The following DMTF1 variants were observed in gnomAD, a reference collection of about 807,000 sequenced individuals.
The protein encoded by DMTF1 is cyclin-D-binding Myb-like transcription factor 1.
A neutral mutation model predicts 91.1 loss-of-function variants in DMTF1; 39 were observed. The ratio of observed to expected loss-of-function variants is 0.43; its 90% CI spans 0.33 to 0.56. The LOEUF is 0.56. DMTF1 is among the 20% of genes least tolerant of loss of function. DMTF1 has a pLI of 0.05. For synonymous variants in DMTF1, 338 were observed against 309.5 expected (o/e 1.09, Z -0.97); for missense variants, 750 against 914.5 (o/e 0.82, Z 2.32).
rs556496826 is a variant in DMTF1, at chr7:87,159,026, TTA to T, written c.-131-4467_-131-4466del. Among the ~76,000 whole-genome samples the T allele has an allele frequency of 2.9e-4, 44 of 152,224 alleles. No individual in the cohort carries two copies. The South Asian group carries it at 6.2e-3, about 21-fold the overall frequency. ...TCCCCTGTTCTTTTAAAAAACAAGA[TTA>T]TGAGATACATAATCTAAATAAAAAT... On this transcript the variant is annotated intron_variant, in intron 1 of 17. Coordinates refer to ENST00000331242, the MANE Select transcript of DMTF1 (RefSeq NM_001142327.2).
chr7:87,194,521 ATTGTGAGGTCATCTTTTGTCC>A (rs1474041732), intron 16 of DMTF1, 142 bp from the exon 17 acceptor site: 1 of 564,584 alleles, frequency 1.8e-6, no homozygotes, highest in Non-Finnish European at 3.0e-6. Flanking sequence ...AGTATGTTAG[ATTGTGAGGTCATCTTTTGTCC>A]CTGTGAGACC....
intron 7 of DMTF1, among the ~76,000 whole-genome samples, chr7:87,177,330 A>C (rs1414079948): frequency 6.6e-6 from 1 of 152,054 alleles, no homozygotes; most frequent in Non-Finnish European, 1.5e-5. Context: ...GTACCAATCT[A>C]GTGGGTGTTA....
rs1799622233 is a variant in DMTF1, at chr7:87,190,942, C to T, written c.1412-3C>T. ...ACCACAGCTTACCTTATTCTTACCA[C>T]AGCTTCAGCAGACTCTCCTGCTACC... is the stretch of plus-strand genomic sequence containing the variant. On this transcript the variant is annotated splice_region_variant and splice_polypyrimidine_tract_variant and intron_variant, in intron 13 of 17. Transcript: ENST00000331242. 2 of 1,606,704 alleles carry T rather than the reference C, an allele frequency of 1.2e-6. No individual in the cohort carries two copies. The highest frequency in any genetic ancestry group is 2.7e-5 in the African/African-American group (2 of 74,674).
rs1798002817 is a variant in DMTF1, at chr7:87,184,488, G to A, written c.912G>A (p.Val304=). Residue 304 remains valine, a synonymous_variant, in exon 11 of 18, where the codon GTG becomes GTA. Coordinates refer to ENST00000331242, the MANE Select transcript of DMTF1 (RefSeq NM_001142327.2). The part of the protein sequence containing the change: ...TEPGDIVTQG[V]SWAAVAERVG... ...CAGGTGACATAGTCACACAGGGTGT[G>A]TCTTGGGCAGCTGTGGCTGAACGAG... is the stretch of plus-strand genomic sequence containing the variant. 8.7e-6 allele frequency: 14 copies of A among 1,614,048 alleles called. No homozygotes were observed. In the East Asian group the frequency reaches 3.1e-4, roughly 36 times the overall value.
At chr7:87,181,132 GA>G (rs1454433217) in intron 8 of DMTF1, 176 bp from the exon 9 acceptor site, 1 of 411,226 alleles carries the variant, frequency 2.4e-6, no homozygotes, top group Non-Finnish European at 4.6e-6. Flanking sequence ...TTATAGGCGT[GA>G]GCCGCACCCT....
At position 87,182,321 on chromosome 7, in the gene DMTF1, G is replaced by A. The variant is rs745792204; in HGVS notation, c.804G>A (p.Lys268=). ...SSVKDRCRLM[K]DTCNTGKWTE... ...TCAAAGATCGGTGCCGACTGATGAAGGATACTTGCAACACAGGTACTGTGA... is the reference window on the plus strand; with the variant it reads ...TCAAAGATCGGTGCCGACTGATGAAAGATACTTGCAACACAGGTACTGTGA... Residue 268 remains lysine, a synonymous_variant, in exon 10 of 18, where the codon AAG becomes AAA. Transcript: ENST00000331242. 6.2e-7 allele frequency: 1 copy of A among 1,614,046 alleles called. No homozygotes were observed. The highest frequency in any genetic ancestry group is 8.5e-7 in the Non-Finnish European group (1 of 1,179,966).
chr7:87,190,030 TTACAC>T (rs1799388560), intron 13 of DMTF1, among the ~76,000 whole-genome samples: 1 of 152,198 alleles, frequency 6.6e-6, no homozygotes, highest in Non-Finnish European at 1.5e-5. Context: ...ATAATAAACA[TTACAC>T]AGTAAAAGTT....
chr7:87,170,439 A>G (rs190051062), intron 4 of DMTF1, among the ~76,000 whole-genome samples: 1 of 152,252 alleles, frequency 6.6e-6, no homozygotes, highest in East Asian at 1.9e-4. Flanking sequence ...ACAATCTCCT[A>G]CTGTTCTTGT....
At chr7:87,174,492 A>G in intron 6 of DMTF1, 101 bp from the exon 7 acceptor site, 1 of 785,446 alleles carries the variant, frequency 1.3e-6, no homozygotes, top group Non-Finnish European at 2.0e-6. Flanking sequence ...AATTAGCTAA[A>G]TTTTATCCCC....
At chr7:87,153,100 C>G (rs1789655408) in intron 1 of DMTF1, among the ~76,000 whole-genome samples, 1 of 152,052 alleles carries the variant, frequency 6.6e-6, no homozygotes, top group African/African-American at 2.4e-5. Context: ...CCCCCCTTTG[C>G]TTTTTTGTTC....
chr7:87,189,672 A>T (rs1299898639), intron 13 of DMTF1, among the ~76,000 whole-genome samples: 1 of 152,126 alleles, frequency 6.6e-6, no homozygotes, highest in Non-Finnish European at 1.5e-5. Context: ...TTCGTTTTTT[A>T]GGTTAGGGAA....
rs915588847 is a variant in DMTF1, at chr7:87,164,996, G to C, written c.55G>C (p.Val19Leu). The change falls in exon 3 of 18, where the codon GTG (valine) becomes CTG (leucine). Residue 19 changes from valine (V) to leucine (L), a missense_variant. Val to Leu is a conservative substitution (Grantham distance 32). Transcript: ENST00000331242. Reference protein sequence around the residue: ...DTVTVETVNSVTLTQDTEGNL... With the variant: ...DTVTVETVNSLTLTQDTEGNL... ...AGTAACAGTAGAAACTGTGAACTCT[G>C]TGACTTTGACTCAGGACACAGAAGG... The C allele has an allele frequency of 6.2e-7, 1 of 1,610,734 alleles. No homozygotes were observed. The highest frequency in any genetic ancestry group is 1.7e-5 in the Admixed American group (1 of 59,584).
chr7:87,172,593 C>T (rs1795319026), intron 5 of DMTF1, among the ~76,000 whole-genome samples: 2 of 151,952 alleles, frequency 1.3e-5, no homozygotes, highest in South Asian at 4.1e-4. Flanking sequence ...AAGTAGTAGT[C>T]CAGTCCTTCT....
intron 7 of DMTF1, among the ~76,000 whole-genome samples, chr7:87,177,828 G>C (rs1236830826): frequency 6.6e-6 from 1 of 152,072 alleles, no homozygotes; most frequent in Non-Finnish European, 1.5e-5. Flanking sequence ...TCTAAATCAA[G>C]CTGCCACAAA....
intron 3 of DMTF1, among the ~76,000 whole-genome samples, chr7:87,165,584 G>C (rs922000003): frequency 6.6e-6 from 1 of 152,108 alleles, no homozygotes; most frequent in African/African-American, 2.4e-5. Context: ...ATAATTCATA[G>C]GTTATTTAAT....
Position 87,185,916 on chromosome 7 carries a change from G to A in DMTF1, c.1137G>A (p.Trp379Ter). Residue 379 changes from tryptophan to a stop codon, truncating the protein, a stop_gained, in exon 12 of 18, where the codon TGG becomes TGA. Coordinates refer to ENST00000331242, the MANE Select transcript of DMTF1 (RefSeq NM_001142327.2). LOFTEE classifies it high-confidence loss of function. ...EGWSSVRSPQWLRSKWWTIKR... is the reference protein window; with the variant it reads ...EGWSSVRSPQ Reference sequence around the variant, plus strand: ...GGAGTAGTGTCCGTTCACCACAATGGCTACGAAGTAAATGGTGGACCATCA... The same window carrying A: ...GGAGTAGTGTCCGTTCACCACAATGACTACGAAGTAAATGGTGGACCATCA... 1 of 1,613,940 alleles carries A rather than the reference G, an allele frequency of 6.2e-7. No individual in the cohort carries two copies. The highest frequency in any genetic ancestry group is 8.5e-7 in the Non-Finnish European group (1 of 1,179,874).
At chr7:87,193,473 A>AGT in intron 15 of DMTF1, 120 bp downstream of exon 15, 1 of 1,029,740 alleles carries the variant, frequency 9.7e-7, no homozygotes, top group Non-Finnish European at 1.4e-6. Flanking sequence ...TTCCAGGCAC[A>AGT]GTGTTATACA....
At chr7:87,182,139 A>T (rs1197634073) in intron 9 of DMTF1, 89 bp from the exon 10 acceptor site, 1 of 1,584,708 alleles carries the variant, frequency 6.3e-7, no homozygotes, top group Non-Finnish European at 8.6e-7. Flanking sequence ...AACCAGTCAA[A>T]TGGGAAGAAG....
Position 87,179,397 on chromosome 7 carries a change from T to C in DMTF1, c.520-148T>C, listed in dbSNP as rs535281240. The C allele has an allele frequency of 1.0e-4, 56 of 548,412 alleles. No individual in the cohort carries two copies. In the South Asian group the frequency reaches 3.8e-3, roughly 38 times the overall value. The allele number at this position is 548,412 out of a possible 1,614,324, so 34.0% of individuals were successfully genotyped here. A position where few individuals can be genotyped will look rare whatever the true frequency, so the allele number is the denominator to read the frequency against. On this transcript the variant is annotated intron_variant, in intron 7 of 17. Coordinates refer to ENST00000331242, the MANE Select transcript of DMTF1 (RefSeq NM_001142327.2). ...GTATCTCTTGCATCATCTTAAAAGT[T>C]TATATTTGATTTATTAATGAATTAG...
Sources: gnomAD v4.1 joint callset for allele counts (sites outside exome capture counted in the v4.1 genomes callset) on GRCh38, gnomAD v4.1.1 for gene constraint, MANE v1.5 for transcripts, NCBI Gene and HGNC (gene_info 2026-07-23, HGNC 2026-07-21) for gene names.